The following TP63 variants were observed in gnomAD, a reference collection of about 807,000 sequenced individuals.
TP63 encodes tumor protein 63.
A neutral mutation model predicts 82.8 loss-of-function variants in TP63; 17 were observed. The ratio of observed to expected loss-of-function variants is 0.21; its 90% CI spans 0.14 to 0.31. TP63 has a LOEUF of 0.31. Ranked by LOEUF, TP63 falls within the 10% of genes least tolerant of loss-of-function variation. The pLI, the probability that TP63 is intolerant of heterozygous loss-of-function variation, is 1.00. For synonymous variants in TP63, 330 were observed against 321.7 expected (o/e 1.03, Z -0.28); for missense variants, 648 against 895.3 (o/e 0.72, Z 3.52).
At chr3:189,890,599 A>G (rs1720915223) in intron 12 of TP63, among the ~76,000 whole-genome samples, 190 bp from the exon 13 acceptor site, 1 of 152,106 alleles carries the variant, frequency 6.6e-6, no homozygotes, top group Non-Finnish European at 1.5e-5. Flanking sequence ...ATTTCTGTAG[A>G]CCTAAACTTC....
chr3:189,736,883 T>G (rs1720634382), intron 1 of TP63, among the ~76,000 whole-genome samples: 1 of 152,140 alleles, frequency 6.6e-6, no homozygotes, highest in Non-Finnish European at 1.5e-5. Context: ...TGGGATAAAA[T>G]TAGTCTACTG....
At chr3:189,815,707 G>A (rs1471086439) in intron 4 of TP63, among the ~76,000 whole-genome samples, 1 of 152,078 alleles carries the variant, frequency 6.6e-6, no homozygotes, top group African/African-American at 2.4e-5. Flanking sequence ...GTAACAAGGG[G>A]AGATTACTAA....
At chr3:189,883,938 A>G (rs990673132) in intron 10 of TP63, among the ~76,000 whole-genome samples, 1 of 60,106 alleles carries the variant, frequency 1.7e-5, no homozygotes, top group Admixed American at 1.8e-4. Flanking sequence ...GAGCGTCCAG[A>G]AAAAAAAAAA....
At chr3:189,749,950 C>T (rs893603046) in intron 3 of TP63, among the ~76,000 whole-genome samples, 3 of 151,768 alleles carry the variant, frequency 2.0e-5, no homozygotes, top group Non-Finnish European at 2.9e-5. Context: ...GGTGAAACCC[C>T]GTCTCTACTA....
intron 1 of TP63, among the ~76,000 whole-genome samples, chr3:189,678,716 G>A (rs55669201): frequency 0.18 from 27,792 of 151,896 alleles, 3,198 homozygotes; most frequent in Non-Finnish European, 0.26. Context: ...TAATCCATGA[G>A]CATGTGACAT....
the TP63 span, among the ~76,000 whole-genome samples, chr3:189,614,379 C>T: frequency 1.3e-5 from 2 of 152,040 alleles, no homozygotes; most frequent in African/African-American, 4.8e-5. Flanking sequence ...ATTCTGAGAC[C>T]CTCTCAGCCA....
intron 4 of TP63, among the ~76,000 whole-genome samples, chr3:189,836,062 G>C (rs1713111926): frequency 6.6e-6 from 1 of 151,970 alleles, no homozygotes; most frequent in Admixed American, 6.6e-5. Flanking sequence ...CTATTCCTTT[G>C]ATCACACGGG....
At chr3:189,670,054 A>T (rs1560098085) in intron 1 of TP63, among the ~76,000 whole-genome samples, 1 of 152,022 alleles carries the variant, frequency 6.6e-6, no homozygotes, top group Non-Finnish European at 1.5e-5. Context: ...AACAAAGTAT[A>T]AACCAACAAG....
intron 4 of TP63, among the ~76,000 whole-genome samples, chr3:189,847,290 A>G (rs6799352): frequency 0.34 from 51,049 of 151,962 alleles, 8,736 homozygotes; most frequent in South Asian, 0.39. Flanking sequence ...CCTTGGAGGC[A>G]GAGGTTGCAG....
chr3:189,672,075 T>C (rs1040953573), intron 1 of TP63, among the ~76,000 whole-genome samples: 1 of 152,074 alleles, frequency 6.6e-6, no homozygotes, highest in African/African-American at 2.4e-5. Context: ...AAATGATAAA[T>C]GTTTCAAGTG....
chr3:189,600,527 A>G, the TP63 span, among the ~76,000 whole-genome samples: 1 of 152,214 alleles, frequency 6.6e-6, no homozygotes, highest in African/African-American at 2.4e-5. Context: ...TAATTTCTCT[A>G]AGGTGTGACA....
chr3:189,784,664 G>A (rs897312249), intron 3 of TP63, among the ~76,000 whole-genome samples: 3 of 152,002 alleles, frequency 2.0e-5, no homozygotes, highest in Non-Finnish European at 4.4e-5. Flanking sequence ...GAATACAACT[G>A]TAAGATTTAC....
chr3:189,763,290 A>T (rs180702414), intron 3 of TP63, among the ~76,000 whole-genome samples: 8 of 152,214 alleles, frequency 5.3e-5, no homozygotes, highest in South Asian at 2.1e-4. Flanking sequence ...ATAATAATAA[A>T]AAAGGAGGGT....
chr3:189,810,324 G>A (rs1450133179), intron 4 of TP63, among the ~76,000 whole-genome samples: 1 of 152,086 alleles, frequency 6.6e-6, no homozygotes, highest in Non-Finnish European at 1.5e-5. Context: ...GTCACCAACC[G>A]GACATTTACA....
Position 189,647,396 on chromosome 3 carries a change from T to G in TP63, c.62+15819T>G, listed in dbSNP as rs909736934. Reference sequence around the variant, plus strand: ...AATGATTGATTAATATATCTAAGTTTCGTGATGAACAGTTGACCAAAGTCA... The same window carrying G: ...AATGATTGATTAATATATCTAAGTTGCGTGATGAACAGTTGACCAAAGTCA... On this transcript the variant is annotated intron_variant, in intron 1 of 13. Coordinates refer to ENST00000264731, the MANE Select transcript of TP63 (RefSeq NM_003722.5). Among the ~76,000 whole-genome samples the G allele has an allele frequency of 8.2e-5, 12 of 147,018 alleles. 1 individual carries two copies. Among genetic ancestry groups the G allele is most frequent in the African/African-American group, 2.5e-4 (10 of 39,260 alleles).
intron 4 of TP63, among the ~76,000 whole-genome samples, chr3:189,853,321 A>ACCCGTCCTGCTCTACAAGG (rs1293263191): frequency 6.6e-6 from 1 of 152,082 alleles, no homozygotes; most frequent in African/African-American, 2.4e-5. Flanking sequence ...AAAGCTCAAG[A>ACCCGTCCTGCTCTACAAGG]CCCGTCCTGC....
chr3:189,860,834 C>T (rs537948124), intron 4 of TP63, among the ~76,000 whole-genome samples: 2 of 152,226 alleles, frequency 1.3e-5, no homozygotes, highest in South Asian at 4.2e-4. Flanking sequence ...GTTGTTGTTG[C>T]TTGCTTGTTG....
chr3:189,858,144 G>T, intron 4 of TP63, among the ~76,000 whole-genome samples: 1 of 14,140 alleles, frequency 7.1e-5, no homozygotes, highest in Non-Finnish European at 1.7e-4. Context: ...GGTGGCTCAC[G>T]CCTGTAATCC....
chr3:189,802,149 T>C (rs982943215), intron 3 of TP63, among the ~76,000 whole-genome samples: 4 of 152,218 alleles, frequency 2.6e-5, no homozygotes, highest in African/African-American at 9.7e-5. Context: ...TAGGCAGTGC[T>C]TGTTGAAAAG....
Sources: allele counts gnomAD v4.1 joint callset (sites outside exome capture counted in the v4.1 genomes callset), GRCh38; gene constraint gnomAD v4.1.1; transcripts MANE v1.5; gene names NCBI Gene and HGNC (gene_info 2026-07-23, HGNC 2026-07-21).